Variants in TMPRSS3 observed in about 807,000 individuals in gnomAD.
TMPRSS3 encodes the protein transmembrane protease serine 3.
In TMPRSS3, 55 loss-of-function variants were observed where a neutral mutation model predicts 59.6. The observed-to-expected ratio is 0.92, with a 90% CI of 0.74 to 1.16. TMPRSS3 has a LOEUF of 1.16. TMPRSS3 is among the 50% of genes most tolerant of loss of function. TMPRSS3 has a pLI of 0.00. For synonymous variants in TMPRSS3, 257 were observed against 237.7 expected (o/e 1.08, Z -0.75); for missense variants, 596 against 579.4 (o/e 1.03, Z -0.29).
At position 42,372,846 on chromosome 21, in the gene TMPRSS3, A is replaced by G. The variant is rs1304473246; in HGVS notation, c.1345-67T>C. The stretch of plus-strand genomic sequence containing the variant: ...AGCCATCCGTCCAACATGATGACGG[A>G]GCGGGCACCTGCATTTTGCCCTGTG... On this transcript the variant is annotated intron_variant, in intron 12 of 12. Transcript: ENST00000644384. The G allele has an allele frequency of 1.9e-6, 3 of 1,585,642 alleles. No homozygotes were observed. In the Admixed American group the frequency reaches 5.0e-5, roughly 26 times the overall value.
chr21:42,388,232 G>C lies in TMPRSS3; in HGVS notation c.446+171C>G, dbSNP rs2052667332. Among the ~76,000 whole-genome samples the C allele has an allele frequency of 6.6e-6, 1 of 152,242 alleles. No homozygotes were observed. The highest frequency in any genetic ancestry group is 2.4e-5 in the African/African-American group (1 of 41,458). ...CAAGTCACTTAGCCTGTCTGGCCTT[G>C]GTTTGCTTGCCTGTGAAGTGAGGAT... On this transcript the variant is annotated intron_variant, in intron 5 of 12. Coordinates refer to ENST00000644384, the MANE Select transcript of TMPRSS3 (RefSeq NM_001256317.3). This position sits in a 1 kb window ranked among gnomAD's most constrained non-coding sequence, Gnocchi z 5.1.
chr21:42,387,316 G>A (rs2052652596), intron 5 of TMPRSS3, among the ~76,000 whole-genome samples: 1 of 151,876 alleles, frequency 6.6e-6, no homozygotes, highest in Admixed American at 6.6e-5. Flanking sequence ...TGAGTCAGAG[G>A]AAGAGGCTCA....
intron 2 of TMPRSS3, among the ~76,000 whole-genome samples, chr21:42,394,487 T>C (rs933969251): frequency 1.3e-5 from 2 of 152,148 alleles, no homozygotes; most frequent in Admixed American, 1.3e-4. Context: ...ATTGCAAGAT[T>C]TTTTTTTCTT....
Position 42,383,051 on chromosome 21 carries a change from G to A in TMPRSS3, c.764C>T (p.Ala255Val), listed in dbSNP as rs758738833. ...CACTCACTCATAAACACAGTGTGCAGCAGTGATGATCCACAGGGGCGTGAT... is the reference window on the plus strand; with the variant it reads ...CACTCACTCATAAACACAGTGTGCAACAGTGATGATCCACAGGGGCGTGAT... ...SVITPLWIIT[A>V]AHCVYDLYLP... Residue 255 changes from alanine to valine, a missense_variant, in exon 8 of 13, where the codon GCT becomes GTT. Coordinates refer to ENST00000644384, the MANE Select transcript of TMPRSS3 (RefSeq NM_001256317.3). The A allele has an allele frequency of 9.3e-6, 15 of 1,614,010 alleles. No homozygotes were observed. Among genetic ancestry groups the A allele is most frequent in the Middle Eastern group, 1.6e-4 (1 of 6,084 alleles).
intron 5 of TMPRSS3, among the ~76,000 whole-genome samples, chr21:42,386,082 A>C (rs910603244): frequency 1.3e-5 from 2 of 152,196 alleles, no homozygotes; most frequent in African/African-American, 4.8e-5. Context: ...AGCCCAGCTC[A>C]TTTTTACAGT....
At chr21:42,389,229 G>T in intron 3 of TMPRSS3, 184 bp from the exon 4 acceptor site, 1 of 1,276,410 alleles carries the variant, frequency 7.8e-7, no homozygotes. Context: ...AAGGGGTGGG[G>T]CTGCTGTGCC....
intron 10 of TMPRSS3, among the ~76,000 whole-genome samples, chr21:42,377,000 A>C (rs1035283163): frequency 6.6e-6 from 1 of 152,182 alleles, no homozygotes; most frequent in Admixed American, 6.5e-5. Context: ...ACACCTCCCC[A>C]GGGCACCAGC....
rs753514974 is a variant in TMPRSS3, at chr21:42,372,098, G to A, written c.*664C>T. 129 of 454,312 alleles carry A rather than the reference G, an allele frequency of 2.8e-4. No homozygotes were observed. Among genetic ancestry groups the A allele is most frequent in the Middle Eastern group, 1.4e-3 (2 of 1,444 alleles). 28.1% of individuals were successfully genotyped at this position (454,312 alleles called of 1,614,324 possible). A position where few individuals can be genotyped will look rare whatever the true frequency, so the allele number is the denominator to read the frequency against. On this transcript the variant is annotated 3_prime_UTR_variant, in exon 13 of 13. Coordinates refer to ENST00000644384, the MANE Select transcript of TMPRSS3 (RefSeq NM_001256317.3). The stretch of plus-strand genomic sequence containing the variant: ...GCAGTGACTGCAGTTCTGCACTTCT[G>A]GGCTGGTGCGTCTTTTCTGAGTGGC...
At position 42,372,711 on chromosome 21, in the gene TMPRSS3, G is replaced by A; in HGVS notation, c.*51C>T. The A allele has an allele frequency of 1.2e-6, 2 of 1,606,718 alleles. No homozygotes were observed. Among genetic ancestry groups the A allele is most frequent in the Non-Finnish European group, 1.7e-6 (2 of 1,173,280 alleles). ...TACACGGGAGTCCAGGGGAGGATCGGGCTGTCTTCATCACCTCAGGAACTC... is the reference window on the plus strand; with the variant it reads ...TACACGGGAGTCCAGGGGAGGATCGAGCTGTCTTCATCACCTCAGGAACTC... On this transcript the variant is annotated 3_prime_UTR_variant, in exon 13 of 13. Transcript: ENST00000644384.
At chr21:42,385,651 C>T in intron 5 of TMPRSS3, 117 bp from the exon 6 acceptor site, 1 of 1,367,242 alleles carries the variant, frequency 7.3e-7, no homozygotes, top group Non-Finnish European at 1.0e-6. Flanking sequence ...ATTTTGTCCC[C>T]CCAAACCCAT....
chr21:42,372,923 G>A lies in TMPRSS3; in HGVS notation c.1345-144C>T, dbSNP rs548255065. 4 of 933,870 alleles carry A rather than the reference G, an allele frequency of 4.3e-6. No homozygotes were observed. In the South Asian group the frequency reaches 5.5e-5, roughly 13 times the overall value. The allele number at this position is 933,870 out of a possible 1,614,324, so 57.8% of individuals were successfully genotyped here. A position where few individuals can be genotyped will look rare whatever the true frequency, so the allele number is the denominator to read the frequency against. ...GAAGACAAGGTTGGCCTCCCCCTGG[G>A]GCTGCCAGCTCTGAGTGGATCCCAG... On this transcript the variant is annotated intron_variant, in intron 12 of 12. Coordinates refer to ENST00000644384, the MANE Select transcript of TMPRSS3 (RefSeq NM_001256317.3).
In TMPRSS3 at chr21:42,380,173, T is replaced by C. The variant is rs767019311; in HGVS notation, c.992A>G (p.Asn331Ser). The part of the protein sequence containing the change: ...QPVCLPNSEE[N>S]FPDGKVCWTS... Reference sequence around the variant, plus strand: ...CCAGCACACTTTTCCATCGGGGAAGTTCTCTTCAGAGTTGGGCAGGCACAC... The same window carrying C: ...CCAGCACACTTTTCCATCGGGGAAGCTCTCTTCAGAGTTGGGCAGGCACAC... The change falls in exon 10 of 13, where the codon AAC becomes AGC. Residue 331 changes from asparagine to serine, a missense_variant. Asn to Ser is a conservative substitution (Grantham distance 46, BLOSUM62 1). Coordinates refer to ENST00000644384, the MANE Select transcript of TMPRSS3 (RefSeq NM_001256317.3). 8 of 1,614,026 alleles carry C rather than the reference T, an allele frequency of 5.0e-6. No individual in the cohort carries two copies. The African/African-American group carries it at 1.1e-4, about 22-fold the overall frequency.
chr21:42,372,824 C>T (rs753436815), intron 12 of TMPRSS3, 45 bp from the exon 13 acceptor site: 1 of 1,612,592 alleles, frequency 6.2e-7, no homozygotes, highest in Non-Finnish European at 8.5e-7. Flanking sequence ...CACTTCCAGC[C>T]ATCCGTCCAA....
rs1162416503 is a variant in TMPRSS3 at position 42,376,731 on chromosome 21, C to G, written c.1049-48G>C. ...ATGTGTGTGAGAAGGAAGCCCGGCC[C>G]AAAACACAGAAGGCGCATGCTGAGA... is the stretch of plus-strand genomic sequence containing the variant. On this transcript the variant is annotated intron_variant, in intron 10 of 12. Transcript: ENST00000644384. 3 of 1,612,870 alleles carry G rather than the reference C, an allele frequency of 1.9e-6. No homozygotes were observed. In the African/African-American group the frequency reaches 4.0e-5, roughly 22 times the overall value.
chr21:42,388,613 C>T lies in TMPRSS3; in HGVS notation c.323-87G>A. ...GGGGTTTCTCCACAGCCAGCTCAAACCCCTCCTCTGCCAAATCTGACCCAC... is the reference window on the plus strand; with the variant it reads ...GGGGTTTCTCCACAGCCAGCTCAAATCCCTCCTCTGCCAAATCTGACCCAC... On this transcript the variant is annotated intron_variant, in intron 4 of 12. Coordinates refer to ENST00000644384, the MANE Select transcript of TMPRSS3 (RefSeq NM_001256317.3). This position sits in a 1 kb window ranked among gnomAD's most constrained non-coding sequence, Gnocchi z 5.1. 6.3e-7 allele frequency: 1 copy of T among 1,598,488 alleles called. No individual in the cohort carries two copies. The highest frequency in any genetic ancestry group is 8.6e-7 in the Non-Finnish European group (1 of 1,168,572).
At chr21:42,390,280 A>G in intron 2 of TMPRSS3, 1 of 507,640 alleles carries the variant, frequency 2.0e-6, no homozygotes, top group Non-Finnish European at 3.6e-6. Context: ...TGGGTTGAAT[A>G]GTATCCCCCA....
chr21:42,377,309 C>CAGAGTCAG (rs1484195721), intron 10 of TMPRSS3, among the ~76,000 whole-genome samples: 1 of 152,162 alleles, frequency 6.6e-6, no homozygotes, highest in Non-Finnish European at 1.5e-5. Context: ...GAGCAGGGAC[C>CAGAGTCAG]AGAGTCAGAG....
intron 10 of TMPRSS3, among the ~76,000 whole-genome samples, chr21:42,379,351 C>T (rs750441653): frequency 2.0e-5 from 3 of 151,984 alleles, no homozygotes; most frequent in South Asian, 2.1e-4. Context: ...TTTGTAGAGA[C>T]GGTGTCTCTC....
chr21:42,385,754 G>A (rs1778733423), intron 5 of TMPRSS3, among the ~76,000 whole-genome samples: 1 of 152,164 alleles, frequency 6.6e-6, no homozygotes, highest in Non-Finnish European at 1.5e-5. Flanking sequence ...CCCCGCTTCT[G>A]GCCTGTACCT....
Sources: allele counts gnomAD v4.1 joint callset (sites outside exome capture counted in the v4.1 genomes callset), GRCh38; gene constraint gnomAD v4.1.1; non-coding constraint Gnocchi (gnomAD v3.1); transcripts MANE v1.5; gene names NCBI Gene and HGNC (gene_info 2026-07-23, HGNC 2026-07-21).